The following CSMD1 variants were observed in gnomAD, a reference collection of about 807,000 sequenced individuals.
CSMD1 encodes CUB and sushi domain-containing protein 1.
Under a neutral mutation model 417.5 loss-of-function variants are expected in CSMD1, and 213 were observed. The observed-to-expected ratio is 0.51, with a 90% CI of 0.46 to 0.57. CSMD1 has a LOEUF of 0.57. Ranked by LOEUF, CSMD1 falls within the 20% of genes least tolerant of loss-of-function variation. CSMD1 has a pLI of 0.00. For missense variants in CSMD1, 6,923 were observed against 4,529.7 expected, an observed-to-expected ratio of 1.53 and a Z score of -15.17; for synonymous variants, 2,862 against 1,736.8, an observed-to-expected ratio of 1.65 and a Z score of -16.11.
At chr8:4,520,684 T>A (rs1446470754) in intron 2 of CSMD1, among the ~76,000 whole-genome samples, 1 of 152,128 alleles carries the variant, frequency 6.6e-6, no homozygotes, top group Non-Finnish European at 1.5e-5. Flanking sequence ...GTTCTGAAAG[T>A]CTTGTTTGTA....
intron 1 of CSMD1, among the ~76,000 whole-genome samples, chr8:4,671,033 C>A (rs964232069): frequency 6.6e-6 from 1 of 152,216 alleles, no homozygotes; most frequent in African/African-American, 2.4e-5. Flanking sequence ...GTTTTATCCA[C>A]TAATAATTCT....
intron 38 of CSMD1, among the ~76,000 whole-genome samples, chr8:3,159,984 G>A (rs1282306816): frequency 6.6e-6 from 1 of 152,156 alleles, no homozygotes; most frequent in Non-Finnish European, 1.5e-5. Context: ...GGGAATTTGA[G>A]GGAGAATGGA....
At chr8:4,372,011 G>C (rs749954878) in intron 3 of CSMD1, among the ~76,000 whole-genome samples, 5 of 152,164 alleles carry the variant, frequency 3.3e-5, no homozygotes, top group Non-Finnish European at 4.4e-5. Flanking sequence ...GAGTTCAAAG[G>C]TTCAGCACGA....
chr8:3,847,593 G>A (rs978680018), intron 5 of CSMD1, among the ~76,000 whole-genome samples: 2 of 152,212 alleles, frequency 1.3e-5, no homozygotes, highest in Admixed American at 1.3e-4. Context: ...AGAAGACTGG[G>A]GTAAGGGGTC....
intron 1 of CSMD1, among the ~76,000 whole-genome samples, chr8:4,891,031 A>T (rs1177497330): frequency 6.6e-6 from 1 of 152,110 alleles, no homozygotes; most frequent in African/African-American, 2.4e-5. Context: ...ATATGTGGAA[A>T]TGGTTCCATT....
chr8:4,788,635 T>C, intron 1 of CSMD1: 1 of 780,248 alleles, frequency 1.3e-6, no homozygotes, highest in Non-Finnish European at 2.1e-6. Context: ...AAATTTCTAA[T>C]TTAGCTGAAG....
chr8:4,841,354 G>C (rs1800824925), intron 1 of CSMD1, among the ~76,000 whole-genome samples: 1 of 152,176 alleles, frequency 6.6e-6, no homozygotes, highest in African/African-American at 2.4e-5. Flanking sequence ...TTATTCTACA[G>C]TTTGGAACCA....
At chr8:3,921,304 T>C (rs528284353) in intron 5 of CSMD1, among the ~76,000 whole-genome samples, 1 of 152,228 alleles carries the variant, frequency 6.6e-6, no homozygotes, top group Admixed American at 6.5e-5. Context: ...TCTTTTCTAC[T>C]TAGCATAAGA....
At chr8:3,974,996 T>G (rs1813336524) in intron 5 of CSMD1, among the ~76,000 whole-genome samples, 1 of 152,174 alleles carries the variant, frequency 6.6e-6, no homozygotes, top group South Asian at 2.1e-4. Context: ...AATGCTTGAG[T>G]TCTTTGCAGT....
At chr8:4,155,428 G>A (rs912302350) in intron 3 of CSMD1, among the ~76,000 whole-genome samples, 1 of 152,126 alleles carries the variant, frequency 6.6e-6, no homozygotes, top group Non-Finnish European at 1.5e-5. Flanking sequence ...GCCTCTGTTT[G>A]GCAGGAACCT....
intron 50 of CSMD1, among the ~76,000 whole-genome samples, chr8:3,043,253 A>C (rs12334599): frequency 0.24 from 35,258 of 144,550 alleles, 4,406 homozygotes; most frequent in East Asian, 0.44. Flanking sequence ...GATTATATGT[A>C]CATATAGTAC....
chr8:4,604,410 T>C lies in CSMD1; in HGVS notation c.302+32932A>G, dbSNP rs62486694. 6.8e-3 allele frequency among the ~76,000 whole-genome samples: 987 copies of C among 146,192 alleles called. 12 individuals are homozygous for C. Among genetic ancestry groups the C allele is most frequent in the African/African-American group, 0.014 (558 of 39,864 alleles). ...GTGTGTGTGTGTGTGTGTGTGTGTG[T>C]GCGCGTGCGTAAAGACTAGGATCTC... On this transcript the variant is annotated intron_variant, in intron 2 of 69. Transcript: ENST00000635120.
intron 6 of CSMD1, among the ~76,000 whole-genome samples, chr8:3,740,488 G>C (rs1721193566): frequency 6.6e-6 from 1 of 152,172 alleles, no homozygotes. Flanking sequence ...TCCTTCTGCG[G>C]TAAAATACTC....
At chr8:4,030,104 T>C (rs1473915307) in intron 4 of CSMD1, among the ~76,000 whole-genome samples, 2 of 152,186 alleles carry the variant, frequency 1.3e-5, no homozygotes, top group African/African-American at 2.4e-5. Context: ...TGGGCTGCTG[T>C]TAACTGTCTG....
At chr8:3,869,017 C>G (rs1805296291) in intron 5 of CSMD1, among the ~76,000 whole-genome samples, 1 of 152,216 alleles carries the variant, frequency 6.6e-6, no homozygotes, top group Non-Finnish European at 1.5e-5. Flanking sequence ...CTCGAAGTAA[C>G]AGCTGCAAGC....
chr8:4,836,376 G>C (rs191201570), intron 1 of CSMD1, among the ~76,000 whole-genome samples: 65 of 152,262 alleles, frequency 4.3e-4, no homozygotes, highest in African/African-American at 1.5e-3. Flanking sequence ...GCCACATCTT[G>C]CTGACTGACA....
At chr8:4,777,393 G>C (rs1013556186) in intron 1 of CSMD1, among the ~76,000 whole-genome samples, 5 of 152,172 alleles carry the variant, frequency 3.3e-5, no homozygotes, top group African/African-American at 9.6e-5. Flanking sequence ...AAGAGAGAGA[G>C]ATGTCTCAGG....
chr8:4,871,026 C>A (rs888923894), intron 1 of CSMD1, among the ~76,000 whole-genome samples: 19 of 152,106 alleles, frequency 1.2e-4, no homozygotes, highest in African/African-American at 3.9e-4. Flanking sequence ...TGTGCTCACC[C>A]TGGGGAGCTG....
chr8:4,976,068 A>AAC, intron 1 of CSMD1, among the ~76,000 whole-genome samples: 1 of 152,200 alleles, frequency 6.6e-6, no homozygotes, highest in South Asian at 2.1e-4. Context: ...AAGTGTCAAT[A>AAC]ATTGGTTGAC....
Sources: gnomAD v4.1 joint callset for allele counts (sites outside exome capture counted in the v4.1 genomes callset) on GRCh38, gnomAD v4.1.1 for gene constraint, MANE v1.5 for transcripts, NCBI Gene and HGNC (gene_info 2026-07-23, HGNC 2026-07-21) for gene names.